FHIP2A: variants seen among roughly 807,000 people sequenced by gnomAD.
FHIP2A encodes the protein FHF complex subunit HOOK interacting protein 2A.
FHIP2A carries 46 observed loss-of-function variants against 93.5 expected under a neutral mutation model. The observed-to-expected ratio is 0.49, with a 90% CI of 0.39 to 0.63. The LOEUF (loss-of-function observed/expected upper bound fraction) is 0.63. Among genes scored for constraint, FHIP2A ranks in the 20% least tolerant of loss-of-function variants. The pLI is 0.00. For missense variants in FHIP2A, 769 were observed against 909.7 expected, an observed-to-expected ratio of 0.85 and a Z score of 1.99; for synonymous variants, 332 against 326.5, an observed-to-expected ratio of 1.02 and a Z score of -0.18.
intron 11 of FHIP2A, 110 bp from the exon 12 acceptor site, chr10:114,846,980 T>C (rs1318055012): frequency 9.4e-7 from 1 of 1,066,120 alleles, no homozygotes; most frequent in Non-Finnish European, 1.3e-6. Context: ...CTTAATCCTT[T>C]ATATTAGCAA....
At chr10:114,893,032 T>C (rs2083983305) in intron 16 of FHIP2A, among the ~76,000 whole-genome samples, 1 of 152,186 alleles carries the variant, frequency 6.6e-6, no homozygotes, top group Non-Finnish European at 1.5e-5. Flanking sequence ...TATATATCTA[T>C]ATTTCCTAAA....
chr10:114,824,147 G>C (rs769187231), intron 1 of FHIP2A, among the ~76,000 whole-genome samples: 4 of 152,164 alleles, frequency 2.6e-5, no homozygotes, highest in Non-Finnish European at 5.9e-5. Context: ...AACATCCTCA[G>C]ATCTTAGGGG....
intron 16 of FHIP2A, among the ~76,000 whole-genome samples, chr10:114,882,459 G>A (rs2083921920): frequency 6.6e-6 from 1 of 152,218 alleles, no homozygotes; most frequent in Non-Finnish European, 1.5e-5. Flanking sequence ...CTAGTGCAGT[G>A]AGGACTACAA....
chr10:114,899,743 A>C, exon 17 of FHIP2A: 1 of 456,920 alleles, frequency 2.2e-6, no homozygotes, highest in Non-Finnish European at 3.9e-6. Flanking sequence ...AAAGAAAATC[A>C]GGGGGCTATT....
At chr10:114,854,028 T>G (rs561509085) in intron 13 of FHIP2A, among the ~76,000 whole-genome samples, 1 of 152,292 alleles carries the variant, frequency 6.6e-6, no homozygotes, top group East Asian at 1.9e-4. Flanking sequence ...TTCAAGTAAA[T>G]TACATATTGG....
rs1333079158 is a variant in FHIP2A at position 114,863,138 on chromosome 10, T to C, written c.*1598T>C. 6 of 979,632 alleles carry C rather than the reference T, an allele frequency of 6.1e-6. No homozygotes were observed. The highest frequency in any genetic ancestry group is 6.1e-6 in the Non-Finnish European group (5 of 824,618). The allele number at this position is 979,632 out of a possible 1,614,324, so 60.7% of individuals were successfully genotyped here. ...TTTCATGCAAATCTTTGTTAGCTTA[T>C]TCTAAGAAATTTATTAAGTAAAACA... On this transcript the variant is annotated 3_prime_UTR_variant, in exon 17 of 17. Transcript: ENST00000369248.
intron 16 of FHIP2A, among the ~76,000 whole-genome samples, chr10:114,870,335 A>G (rs2083851186): frequency 6.6e-6 from 1 of 152,152 alleles, no homozygotes. Flanking sequence ...AAATCCTTAC[A>G]TCACCATGGA....
intron 10 of FHIP2A, 33 bp downstream of exon 10, chr10:114,846,400 G>A: frequency 6.4e-7 from 1 of 1,560,668 alleles, no homozygotes; most frequent in Non-Finnish European, 8.7e-7. Flanking sequence ...ATTGGACTTA[G>A]ATTCTTTGAA....
At chr10:114,830,986 G>A in intron 2 of FHIP2A, 56 bp downstream of exon 2, 1 of 999,864 alleles carries the variant, frequency 1.0e-6, no homozygotes, top group Non-Finnish European at 1.5e-6. Context: ...CAGAAAATTT[G>A]TGAAATACTA....
intron 14 of FHIP2A, among the ~76,000 whole-genome samples, chr10:114,858,541 A>T (rs1186181364): frequency 1.3e-5 from 2 of 151,856 alleles, no homozygotes; most frequent in Non-Finnish European, 2.9e-5. Flanking sequence ...GTGAAGAGTC[A>T]TGTACAATTC....
intron 1 of FHIP2A, among the ~76,000 whole-genome samples, chr10:114,829,428 T>G (rs185885356): frequency 4.6e-5 from 7 of 152,374 alleles, no homozygotes; most frequent in Non-Finnish European, 8.8e-5. Context: ...GCCATGGCAT[T>G]TGAAGGCTGT....
rs776688806 is a variant in FHIP2A, at chr10:114,843,902, G to A, written c.978G>A (p.Pro326=). The A allele has an allele frequency of 8.8e-6, 14 of 1,584,092 alleles. No homozygotes were observed. The highest frequency in any genetic ancestry group is 1.7e-4 in the Middle Eastern group (1 of 5,934). Residue 326 remains proline, a synonymous_variant, in exon 7 of 17, where the codon CCG becomes CCA. Coordinates refer to ENST00000369248, the MANE Select transcript of FHIP2A (RefSeq NM_020940.4). ...AGGCCCTACCTCAGTCAGTGGATCC[G>A]TTAGATATTGAAACCGTGGAAGCAA... ...LYKALPQSVD[P]LDIETVEAIN... is the part of the protein sequence containing the mutation.
At chr10:114,843,590 C>G in intron 6 of FHIP2A, 151 bp from the exon 7 acceptor site, 1 of 632,602 alleles carries the variant, frequency 1.6e-6, no homozygotes, top group Admixed American at 3.9e-5. Context: ...AGGTGTGAAG[C>G]TCCACAGTTG....
At chr10:114,831,031 T>C in intron 2 of FHIP2A, 101 bp downstream of exon 2, 2 of 639,336 alleles carry the variant, frequency 3.1e-6, no homozygotes. Flanking sequence ...AGTTATTTTA[T>C]ATTTAAGTTT....
rs1488902740 is a variant in FHIP2A, at chr10:114,862,579, T to C, written c.*1039T>C. On this transcript the variant is annotated 3_prime_UTR_variant, in exon 17 of 17. Transcript: ENST00000369248. ...AAAGAAAACAGAGTTTTAAATGTCC[T>C]ATTTACATGTTAAAGGATTTGGGGA... 3.0e-6 allele frequency: 3 copies of C among 986,854 alleles called. No individual in the cohort carries two copies. The African/African-American group carries it at 5.2e-5, about 17-fold the overall frequency. The allele number at this position is 986,854 out of a possible 1,614,324, so 61.1% of individuals were successfully genotyped here. A position where few individuals can be genotyped will look rare whatever the true frequency, so the allele number is the denominator to read the frequency against.
At chr10:114,884,343 A>G (rs2083931282) in intron 16 of FHIP2A, among the ~76,000 whole-genome samples, 1 of 152,204 alleles carries the variant, frequency 6.6e-6, no homozygotes, top group Admixed American at 6.5e-5. Context: ...TTATTAGAAG[A>G]ACACAGTGTG....
chr10:114,852,109 T>C (rs2083740637), intron 13 of FHIP2A, among the ~76,000 whole-genome samples: 1 of 126,620 alleles, frequency 7.9e-6, no homozygotes, highest in Non-Finnish European at 1.6e-5. Flanking sequence ...TTTCAAACTT[T>C]CTCCTTTCTT....
At position 114,843,738 on chromosome 10, in the gene FHIP2A, T is replaced by A; in HGVS notation, c.817-3T>A. On this transcript the variant is annotated splice_polypyrimidine_tract_variant and splice_region_variant and intron_variant, in intron 6 of 16. Transcript: ENST00000369248. ...ATTGAAGGGGGATTTTTTTTTCCTT[T>A]AGGATGGCAGAATAGCTGTGAAGGC... 1 of 1,518,222 alleles carries A rather than the reference T, an allele frequency of 6.6e-7. No individual in the cohort carries two copies. The highest frequency in any genetic ancestry group is 8.8e-7 in the Non-Finnish European group (1 of 1,138,100). 94.0% of individuals were successfully genotyped at this position (1,518,222 alleles called of 1,614,324 possible). A position where few individuals can be genotyped will look rare whatever the true frequency, so the allele number is the denominator to read the frequency against.
At chr10:114,846,886 C>T (rs946785945) in intron 11 of FHIP2A, among the ~76,000 whole-genome samples, 158 bp downstream of exon 11, 3 of 152,136 alleles carry the variant, frequency 2.0e-5, no homozygotes, top group African/African-American at 7.2e-5. Context: ...CATCCTTTTA[C>T]ATTACAAATA....
Sources: allele counts gnomAD v4.1 joint callset (sites outside exome capture counted in the v4.1 genomes callset), GRCh38; gene constraint gnomAD v4.1.1; transcripts MANE v1.5; gene names NCBI Gene and HGNC (gene_info 2026-07-23, HGNC 2026-07-21).